The following CAMSAP2 variants were observed in gnomAD, a reference collection of about 807,000 sequenced individuals.
CAMSAP2 encodes the protein calmodulin-regulated spectrin-associated protein 2.
Under a neutral mutation model 146.1 loss-of-function variants are expected in CAMSAP2, and 26 were observed. The observed-to-expected ratio is 0.18, with a 90% confidence interval of 0.13 to 0.25. The LOEUF (loss-of-function observed/expected upper bound fraction) is 0.25, where lower values mean the gene tolerates loss of function less well. Among genes scored for constraint, CAMSAP2 ranks in the 10% least tolerant of loss-of-function variants. The pLI, the probability that CAMSAP2 is intolerant of heterozygous loss-of-function variation, is 1.00. For missense variants in CAMSAP2, 1,381 were observed against 1,759.3 expected (o/e 0.78, Z 3.85); for synonymous variants, 499 against 596.6 (o/e 0.84, Z 2.38).
Position 200,853,675 on chromosome 1 carries a change from G to T in CAMSAP2, c.3823+180G>T, listed in dbSNP as rs1667681224. ...TTTTAATAAATTAAATGTATTATGT[G>T]TGCATGCATATATTCAGTAGAACAA... On this transcript the variant is annotated intron_variant, in intron 13 of 16. Coordinates refer to ENST00000358823, the MANE Select transcript of CAMSAP2 (RefSeq NM_203459.4). The surrounding 1 kb of genome is among the most constrained non-coding windows in gnomAD (Gnocchi z 5.1). Among the ~76,000 whole-genome samples, 2 of 152,212 alleles carry T rather than the reference G, an allele frequency of 1.3e-5. No homozygotes were observed. Among genetic ancestry groups the T allele is most frequent in the Admixed American group, 1.3e-4 (2 of 15,278 alleles).
At chr1:200,841,895 A>G in intron 6 of CAMSAP2, 99 bp from the exon 7 acceptor site, 1 of 824,500 alleles carries the variant, frequency 1.2e-6, no homozygotes, top group Non-Finnish European at 2.1e-6. Flanking sequence ...TACTCCAGTG[A>G]TGAATGAATG....
At chr1:200,766,798 T>G (rs1395315531) in intron 2 of CAMSAP2, among the ~76,000 whole-genome samples, 2 of 152,326 alleles carry the variant, frequency 1.3e-5, no homozygotes, top group Non-Finnish European at 2.9e-5. Context: ...ATAGAAATGG[T>G]GTGCCACCTG....
At chr1:200,831,147 A>T (rs1667032031) in intron 4 of CAMSAP2, among the ~76,000 whole-genome samples, 2 of 152,218 alleles carry the variant, frequency 1.3e-5, no homozygotes, top group Non-Finnish European at 2.9e-5. Flanking sequence ...ACTACCAGTA[A>T]TTTATGTTAT....
intron 1 of CAMSAP2, among the ~76,000 whole-genome samples, chr1:200,757,598 A>AT (rs201370248): frequency 1.1e-4 from 16 of 148,002 alleles, no homozygotes; most frequent in Non-Finnish European, 2.1e-4. Context: ...GTTTCAGTTC[A>AT]TTTTTTTTTA....
chr1:200,824,178 A>G (rs1171075032), intron 4 of CAMSAP2, among the ~76,000 whole-genome samples: 1 of 150,706 alleles, frequency 6.6e-6, no homozygotes, highest in African/African-American at 2.4e-5. Context: ...GATTTGGCCA[A>G]CGGGAGTCCC....
rs571143315 is a variant in CAMSAP2, at chr1:200,852,730, C to T, written c.3602+53C>T. 61 of 1,544,174 alleles carry T rather than the reference C, an allele frequency of 4.0e-5. No individual in the cohort carries two copies. The African/African-American group carries it at 7.9e-4, about 20-fold the overall frequency. The stretch of plus-strand genomic sequence containing the variant: ...GATCTGAACTTTAATGATGCATGGG[C>T]ATATTTAGAAAAAGTTGGTAAGTAC... On this transcript the variant is annotated intron_variant, in intron 12 of 16. Coordinates refer to ENST00000358823, the MANE Select transcript of CAMSAP2 (RefSeq NM_203459.4).
At chr1:200,821,120 A>G (rs1271539111) in intron 4 of CAMSAP2, among the ~76,000 whole-genome samples, 1 of 150,508 alleles carries the variant, frequency 6.6e-6, no homozygotes, top group Non-Finnish European at 1.5e-5. Context: ...TTTGAATCCT[A>G]CCCTTAAGAT....
At chr1:200,777,593 A>G (rs1665317034) in intron 2 of CAMSAP2, among the ~76,000 whole-genome samples, 1 of 151,660 alleles carries the variant, frequency 6.6e-6, no homozygotes, top group South Asian at 2.1e-4. Context: ...TTTAGGAAAG[A>G]TGGATGCCTG....
chr1:200,744,871 A>G (rs546332105), intron 1 of CAMSAP2, among the ~76,000 whole-genome samples: 1 of 152,264 alleles, frequency 6.6e-6, no homozygotes, highest in Admixed American at 6.5e-5. Context: ...TTATGTAATG[A>G]AGCAGTGAGA....
intron 4 of CAMSAP2, among the ~76,000 whole-genome samples, chr1:200,817,221 T>TGA (rs1666614525): frequency 1.2e-5 from 1 of 81,000 alleles, no homozygotes; most frequent in Non-Finnish European, 2.6e-5. Flanking sequence ...TACACACATA[T>TGA]GTGTGTGTAT....
chr1:200,777,943 A>C (rs1021100736), intron 2 of CAMSAP2, among the ~76,000 whole-genome samples: 2 of 152,308 alleles, frequency 1.3e-5, no homozygotes, highest in Non-Finnish European at 1.5e-5. Flanking sequence ...TGACTCCAGA[A>C]AAAAACTTGT....
intron 2 of CAMSAP2, among the ~76,000 whole-genome samples, chr1:200,797,240 C>T (rs879690401): frequency 3.7e-3 from 550 of 150,328 alleles, no homozygotes; most frequent in Middle Eastern, 0.014. Flanking sequence ...CCTGAGGAAT[C>T]GCCACACTGA....
chr1:200,780,931 A>G (rs888191703), intron 2 of CAMSAP2, among the ~76,000 whole-genome samples: 6 of 152,178 alleles, frequency 3.9e-5, no homozygotes, highest in Non-Finnish European at 8.8e-5. Context: ...AAATTGGGGA[A>G]CAGTTACGAT....
intron 3 of CAMSAP2, among the ~76,000 whole-genome samples, chr1:200,814,653 G>A (rs1423412182): frequency 7.3e-6 from 1 of 137,396 alleles, no homozygotes; most frequent in African/African-American, 2.6e-5. Flanking sequence ...AGATATGAAT[G>A]ATTTTGTCAA....
intron 3 of CAMSAP2, among the ~76,000 whole-genome samples, chr1:200,811,176 A>G (rs1666320170): frequency 6.6e-6 from 1 of 152,140 alleles, no homozygotes; most frequent in Admixed American, 6.5e-5. Flanking sequence ...GGAAAACCCA[A>G]GGTGTTTACC....
chr1:200,857,897 A>T lies in CAMSAP2; in HGVS notation c.4275A>T (p.Lys1425Asn). ...TGIGPKSITK[K>N]MIEGLYKYNS... ...TAGGCCCTAAATCTATCACTAAAAA[A>T]ATGATTGAAGGACTTTACAAATATA... Residue 1425 changes from lysine to asparagine, a missense_variant, in exon 17 of 17, where the codon AAA becomes AAT. Coordinates refer to ENST00000358823, the MANE Select transcript of CAMSAP2 (RefSeq NM_203459.4). This position sits in a 1 kb window ranked among gnomAD's most constrained non-coding sequence, Gnocchi z 4.7. 6.2e-7 allele frequency: 1 copy of T among 1,613,932 alleles called. No homozygotes were observed. The highest frequency in any genetic ancestry group is 8.5e-7 in the Non-Finnish European group (1 of 1,179,866).
In CAMSAP2 at chr1:200,842,076, G is replaced by T. The variant is rs150405321; in HGVS notation, c.1010G>T (p.Arg337Leu). The change falls in exon 7 of 17, where the codon CGT (arginine) becomes CTT (leucine). Residue 337 changes from arginine (R) to leucine (L), a missense_variant. By Grantham distance (102) the Arg-to-Leu change is moderately radical. This residue lies in a region of CAMSAP2 where 447 missense variants were observed against 462.2 expected (regional missense o/e 0.97). Transcript: ENST00000358823. ...KPSFVQPRVV[R>L]PQGAEPVKDM... ...TCTTTTGTACAGCCTCGTGTTGTTC[G>T]TCCACAAGGAGGTAATCAATCTTTT... 238 of 1,612,214 alleles carry T rather than the reference G, an allele frequency of 1.5e-4. No individual in the cohort carries two copies. Among genetic ancestry groups the T allele is most frequent in the Non-Finnish European group, 2.0e-4 (230 of 1,178,496 alleles).
intron 2 of CAMSAP2, among the ~76,000 whole-genome samples, chr1:200,772,001 C>CA (rs765327353): frequency 1.2e-4 from 19 of 152,164 alleles, no homozygotes; most frequent in Non-Finnish European, 2.4e-4. Context: ...AATAAAAAGC[C>CA]ACCCATTGAC....
intron 1 of CAMSAP2, 46 bp downstream of exon 1, chr1:200,740,012 C>A: frequency 1.2e-6 from 2 of 1,600,254 alleles, no homozygotes; most frequent in South Asian, 1.1e-5. Flanking sequence ...CTGATGTGGT[C>A]CACATCTCGG....
Sources: gnomAD v4.1 joint callset for allele counts (sites outside exome capture counted in the v4.1 genomes callset) on GRCh38, gnomAD v4.1.1 for gene constraint, gnomAD v4.1.1 regional missense constraint, Gnocchi (gnomAD v3.1) non-coding constraint, MANE v1.5 for transcripts, NCBI Gene and HGNC (gene_info 2026-07-23, HGNC 2026-07-21) for gene names.